The following PHLDB3 variants were observed in gnomAD, a reference collection of about 807,000 sequenced individuals.
PHLDB3 encodes pleckstrin homology-like domain family B member 3.
A neutral mutation model predicts 85.7 loss-of-function variants in PHLDB3; 86 were observed. The observed-to-expected ratio is 1.00, with a 90% CI of 0.84 to 1.20. PHLDB3 has a LOEUF of 1.20. Ranked by LOEUF, PHLDB3 falls within the 50% of genes most tolerant of loss-of-function variation. The pLI, the probability that PHLDB3 is intolerant of heterozygous loss-of-function variation, is 0.00. For missense variants in PHLDB3, 995 were observed against 873.0 expected, an observed-to-expected ratio of 1.14 and a Z score of -1.76; for synonymous variants, 376 against 349.8, an observed-to-expected ratio of 1.07 and a Z score of -0.83.
At position 43,487,048 on chromosome 19, in the gene PHLDB3, G is replaced by A. The variant is rs765192180; in HGVS notation, c.1225C>T (p.Arg409Ter). The A allele has an allele frequency of 1.7e-5, 27 of 1,576,084 alleles. No homozygotes were observed. The highest frequency in any genetic ancestry group is 5.9e-5 in the South Asian group (5 of 84,924). The change falls in exon 10 of 16, where the codon CGA (arginine) becomes TGA (stop). Residue 409 changes from arginine to a stop codon, truncating the protein, a stop_gained. Transcript: ENST00000292140. LOFTEE classifies it high-confidence loss of function. ...GERGSQRGSP[R>*]PLSFHCTESL... ...CCAGTACAATGGAAGGACAGAGGTC[G>A]GGGGGATCCTCTCTGGCTCCCCCTC... is the stretch of plus-strand genomic sequence containing the variant.
rs1394577983 is a variant in PHLDB3, at chr19:43,487,266, G to C, written c.1150-143C>G. Reference sequence around the variant, plus strand: ...TGCTGAGTGAAAGGACCTCACAGGGGTATGATCCCGTTTATAAGAAATATC... The same window carrying C: ...TGCTGAGTGAAAGGACCTCACAGGGCTATGATCCCGTTTATAAGAAATATC... On this transcript the variant is annotated intron_variant, in intron 9 of 15. Transcript: ENST00000292140. The C allele has an allele frequency of 8.8e-6, 6 of 683,004 alleles. No homozygotes were observed. In the Middle Eastern group the frequency reaches 9.7e-4, roughly 111 times the overall value. 42.3% of individuals were successfully genotyped at this position (683,004 alleles called of 1,614,324 possible).
intron 9 of PHLDB3, among the ~76,000 whole-genome samples, chr19:43,488,577 C>T (rs1219401254): frequency 2.0e-5 from 3 of 152,120 alleles, no homozygotes; most frequent in Non-Finnish European, 4.4e-5. Context: ...TGGAGGGCAA[C>T]TTGGCTTTTT....
In PHLDB3 at chr19:43,501,723, G is replaced by A; in HGVS notation, c.534+11C>T. ...GACACTGCTGATGAAGACCCGGTGA[G>A]CCAAACAGACCTGTTCCCGCTGCTG... On this transcript the variant is annotated intron_variant, in intron 4 of 15. Coordinates refer to ENST00000292140, the MANE Select transcript of PHLDB3 (RefSeq NM_198850.4). The A allele has an allele frequency of 6.3e-7, 1 of 1,577,754 alleles. No individual in the cohort carries two copies. The highest frequency in any genetic ancestry group is 1.1e-5 in the South Asian group (1 of 87,522).
chr19:43,475,647 G>A, intron 15 of PHLDB3, 103 bp from the exon 16 acceptor site: 1 of 1,408,554 alleles, frequency 7.1e-7, no homozygotes, highest in Admixed American at 2.3e-5. Flanking sequence ...CACTGGACAA[G>A]GTACTTAAGT....
At position 43,484,691 on chromosome 19, in the gene PHLDB3, G is replaced by A. The variant is rs1469605908; in HGVS notation, c.1485+1575C>T. 2.6e-5 allele frequency among the ~76,000 whole-genome samples: 4 copies of A among 152,284 alleles called. No individual in the cohort carries two copies. In the East Asian group the frequency reaches 5.8e-4, roughly 22 times the overall value. The stretch of plus-strand genomic sequence containing the variant: ...CACATCACTGCACTCTAGCCTGGGC[G>A]ACAAGAGTAAAACTCTGTCCCCCAA... On this transcript the variant is annotated intron_variant, in intron 13 of 15. Transcript: ENST00000292140.
At chr19:43,481,941 G>A (rs1971057091) in intron 13 of PHLDB3, among the ~76,000 whole-genome samples, 1 of 150,442 alleles carries the variant, frequency 6.6e-6, no homozygotes, top group Non-Finnish European at 1.5e-5. Flanking sequence ...GGAAGGGAGG[G>A]AAAGGCCAGG....
At chr19:43,487,574 C>CAAAAAAAAAAAAAAAAAAAAAAAAA (rs760708749) in intron 9 of PHLDB3, among the ~76,000 whole-genome samples, 7 of 38,516 alleles carry the variant, frequency 1.8e-4, no homozygotes, top group Admixed American at 2.7e-4. Context: ...GACTCTGTCT[C>CAAAAAAAAAAAAAAAAAAAAAAAAA]AAAAAAAAAA....
chr19:43,475,822 A>T (rs1041575717), intron 15 of PHLDB3, among the ~76,000 whole-genome samples: 6 of 151,818 alleles, frequency 4.0e-5, no homozygotes, highest in African/African-American at 9.7e-5. Context: ...TTTGAAACTG[A>T]GTCTGGCTCT....
chr19:43,485,898 T>A, intron 13 of PHLDB3: 1 of 900,022 alleles, frequency 1.1e-6, no homozygotes, highest in Non-Finnish European at 1.3e-6. Flanking sequence ...GGACTGGGCA[T>A]GGTGGTTCAC....
In PHLDB3 at chr19:43,495,628, G is replaced by A. The variant is rs1325073472; in HGVS notation, c.826-8C>T. ...GTGCTGCAGAGCACCCCTCTGTCCC[G>A]GTTACTCATCTGTCACGGCCCCAGC... On this transcript the variant is annotated splice_polypyrimidine_tract_variant and splice_region_variant and intron_variant, in intron 6 of 15. Coordinates refer to ENST00000292140, the MANE Select transcript of PHLDB3 (RefSeq NM_198850.4). 8 of 1,604,868 alleles carry A rather than the reference G, an allele frequency of 5.0e-6. No individual in the cohort carries two copies. Among genetic ancestry groups the A allele is most frequent in the Admixed American group, 3.4e-5 (2 of 58,610 alleles).
chr19:43,483,388 A>C (rs1971087740), intron 13 of PHLDB3, among the ~76,000 whole-genome samples: 1 of 151,356 alleles, frequency 6.6e-6, no homozygotes, highest in Non-Finnish European at 1.5e-5. Context: ...CAATCCTCCC[A>C]CCTTAGCCTT....
At chr19:43,489,388 T>C (rs1377121288) in intron 9 of PHLDB3, among the ~76,000 whole-genome samples, 1 of 128,974 alleles carries the variant, frequency 7.8e-6, no homozygotes, top group African/African-American at 2.9e-5. Context: ...TTTTTTTTTT[T>C]AAGCGAGTAC....
intron 14 of PHLDB3, among the ~76,000 whole-genome samples, chr19:43,478,916 AAAAAACAAAAAC>A (rs146483111): frequency 5.9e-5 from 9 of 151,680 alleles, no homozygotes; most frequent in Non-Finnish European, 8.8e-5. Flanking sequence ...CTCTGTCTCC[AAAAAACAAAAAC>A]AAAAACAAAA....
Position 43,502,348 on chromosome 19 carries a change from G to C in PHLDB3, c.214-65C>G. ...CCCCCTGCAATCACTAAGTAGGTCT[G>C]GTCCCCACCCAACATCACCCTCTGC... is the stretch of plus-strand genomic sequence containing the variant. On this transcript the variant is annotated intron_variant, in intron 2 of 15. Transcript: ENST00000292140. 18 of 1,461,496 alleles carry C rather than the reference G, an allele frequency of 1.2e-5. No individual in the cohort carries two copies. The South Asian group carries it at 2.4e-4, about 19-fold the overall frequency. The allele number at this position is 1,461,496 out of a possible 1,614,324, so 90.5% of individuals were successfully genotyped here.
At chr19:43,492,376 G>T (rs1002039806) in intron 9 of PHLDB3, among the ~76,000 whole-genome samples, 1 of 151,952 alleles carries the variant, frequency 6.6e-6, no homozygotes, top group Non-Finnish European at 1.5e-5. Context: ...ATGAGCTGAC[G>T]CACACTGTTA....
Position 43,475,255 on chromosome 19 carries a change from C to T in PHLDB3, c.*155G>A, listed in dbSNP as rs2122436650. ...GCACCTGCAACCCAGAACGCAGCAGCTCAGGCCAGCTGAACTGCCGCGCCT... is the reference window on the plus strand; with the variant it reads ...GCACCTGCAACCCAGAACGCAGCAGTTCAGGCCAGCTGAACTGCCGCGCCT... On this transcript the variant is annotated 3_prime_UTR_variant, in exon 16 of 16. Transcript: ENST00000292140. The T allele has an allele frequency of 9.2e-7, 1 of 1,081,786 alleles. No homozygotes were observed. The highest frequency in any genetic ancestry group is 1.7e-5 in the South Asian group (1 of 60,494). The allele number at this position is 1,081,786 out of a possible 1,614,324, so 67.0% of individuals were successfully genotyped here.
At chr19:43,491,944 CGTTTT>C (rs1971323713) in intron 9 of PHLDB3, among the ~76,000 whole-genome samples, 1 of 67,788 alleles carries the variant, frequency 1.5e-5, no homozygotes, top group Non-Finnish European at 2.9e-5. Context: ...TGCACCTGGC[CGTTTT>C]TTTTTTTTTG....
At position 43,504,098 on chromosome 19, in the gene PHLDB3, G is replaced by A. The variant is rs754772323; in HGVS notation, c.21C>T (p.Pro7=). Residue 7 remains proline (P), a synonymous_variant, in exon 2 of 16, where the codon CCC becomes CCT. Coordinates refer to ENST00000292140, the MANE Select transcript of PHLDB3 (RefSeq NM_198850.4). ...CCAGCGGCGGCGGGGTCCCCTCCTC[G>A]GGGCTGCTTCGCGTCCCCATGGCCG... MGTRSS[P]EEGTPPPLVP... 2.5e-6 allele frequency: 4 copies of A among 1,605,512 alleles called. No individual in the cohort carries two copies. Among genetic ancestry groups the A allele is most frequent in the Non-Finnish European group, 2.5e-6 (3 of 1,176,590 alleles).
intron 9 of PHLDB3, among the ~76,000 whole-genome samples, chr19:43,488,305 A>C (rs1427564919): frequency 1.3e-5 from 2 of 151,968 alleles, no homozygotes; most frequent in Non-Finnish European, 2.9e-5. Context: ...AAAAATAGAA[A>C]AATTAGCTGG....
Sources: gnomAD v4.1 joint callset for allele counts (sites outside exome capture counted in the v4.1 genomes callset) on GRCh38, gnomAD v4.1.1 for gene constraint, MANE v1.5 for transcripts, NCBI Gene and HGNC (gene_info 2026-07-23, HGNC 2026-07-21) for gene names.